The following CSMD3 variants were observed in gnomAD, a reference collection of about 807,000 sequenced individuals.
CSMD3 encodes the protein CUB and sushi domain-containing protein 3.
In CSMD3, 177 loss-of-function variants were observed where a neutral mutation model predicts 435.2. The ratio of observed to expected loss-of-function variants is 0.41; its 90% CI spans 0.36 to 0.46. CSMD3 has a LOEUF of 0.46. CSMD3 is among the 20% of genes least tolerant of loss of function. CSMD3 has a pLI of 0.34. For synonymous variants in CSMD3, 1,656 were observed against 1,520.5 expected (o/e 1.09, Z -2.07); for missense variants, 4,265 against 4,504.6 (o/e 0.95, Z 1.52).
intron 40 of CSMD3, 63 bp downstream of exon 40, chr8:112,351,111 CT>C: frequency 3.0e-6 from 3 of 1,006,152 alleles, no homozygotes; most frequent in South Asian, 2.6e-5. Context: ...CTTACAAATA[CT>C]TTATAGTCTT....
At chr8:113,181,234 T>TA (rs1320289838) in intron 3 of CSMD3, among the ~76,000 whole-genome samples, 2 of 151,954 alleles carry the variant, frequency 1.3e-5, no homozygotes, top group Non-Finnish European at 2.9e-5. Flanking sequence ...ATTGTCATTT[T>TA]AAAAAAATAT....
chr8:113,098,451 C>A, intron 5 of CSMD3: 1 of 363,816 alleles, frequency 2.7e-6, no homozygotes, highest in Non-Finnish European at 5.1e-6. Flanking sequence ...AGGAAAATTA[C>A]TTCCAAGACT....
intron 9 of CSMD3, among the ~76,000 whole-genome samples, chr8:112,940,993 A>G (rs1190851197): frequency 6.6e-6 from 1 of 151,826 alleles, no homozygotes; most frequent in Non-Finnish European, 1.5e-5. Flanking sequence ...TCTGATTACA[A>G]GGATCTTGCA....
At position 112,319,931 on chromosome 8, in the gene CSMD3, T is replaced by C; in HGVS notation, c.7216A>G (p.Ile2406Val). 6.2e-7 allele frequency: 1 copy of C among 1,612,966 alleles called. No homozygotes were observed. The highest frequency in any genetic ancestry group is 1.3e-5 in the African/African-American group (1 of 74,986). The change falls in exon 46 of 71, where the codon ATT (isoleucine) becomes GTT (valine). Residue 2406 changes from isoleucine to valine, a missense_variant. Around this residue, in one of 3 missense-constraint regions of CSMD3, gnomAD observed 3,255 missense variants for 3,380.2 expected, o/e 0.96. Coordinates refer to ENST00000297405, the MANE Select transcript of CSMD3 (RefSeq NM_198123.2). Reference protein sequence around the residue: ...QPPPPVPNAEILTEDDEFEIG... With the variant: ...QPPPPVPNAEVLTEDDEFEIG... ...TCAAATTCATCATCTTCCGTCAAAA[T>C]TTCAGCATTGGGCACAGGTGGTGGA...
At chr8:112,334,520 T>G (rs778520504) in intron 45 of CSMD3, among the ~76,000 whole-genome samples, 2 of 152,200 alleles carry the variant, frequency 1.3e-5, no homozygotes, top group Non-Finnish European at 2.9e-5. Context: ...TTATTGGTCT[T>G]GTGAAATACT....
intron 1 of CSMD3, among the ~76,000 whole-genome samples, chr8:113,424,247 T>C (rs938978205): frequency 1.3e-5 from 2 of 151,678 alleles, no homozygotes; most frequent in African/African-American, 4.8e-5. Context: ...AACTCCTATG[T>C]AGCAAAATTA....
chr8:112,682,088 T>C (rs2075910408), intron 16 of CSMD3, among the ~76,000 whole-genome samples: 1 of 152,030 alleles, frequency 6.6e-6, no homozygotes, highest in Non-Finnish European at 1.5e-5. Flanking sequence ...GTGTGTACCA[T>C]GAATAGATAA....
chr8:112,278,130 T>C (rs1302839865), intron 59 of CSMD3, among the ~76,000 whole-genome samples: 1 of 152,164 alleles, frequency 6.6e-6, no homozygotes, highest in Non-Finnish European at 1.5e-5. Flanking sequence ...AGGGGGCAGT[T>C]GATCATGCTC....
intron 10 of CSMD3, among the ~76,000 whole-genome samples, chr8:112,917,309 CAGTAATTGTAA>C (rs2082602817): frequency 6.6e-6 from 1 of 151,690 alleles, no homozygotes; most frequent in South Asian, 2.1e-4. Context: ...GTGGCAAAGA[CAGTAATTGTAA>C]AGTAATTTTG....
At chr8:112,746,900 T>G (rs2077439292) in intron 13 of CSMD3, among the ~76,000 whole-genome samples, 1 of 152,088 alleles carries the variant, frequency 6.6e-6, no homozygotes, top group Admixed American at 6.5e-5. Context: ...TTAACAAGTC[T>G]CTATTCACTA....
chr8:113,090,652 C>T (rs1463582232), intron 5 of CSMD3, among the ~76,000 whole-genome samples: 1 of 152,122 alleles, frequency 6.6e-6, no homozygotes, highest in Non-Finnish European at 1.5e-5. Context: ...CATCTTCAAT[C>T]TCCTCCTCCA....
chr8:112,955,081 C>T (rs1161611156), intron 7 of CSMD3, among the ~76,000 whole-genome samples: 1 of 151,456 alleles, frequency 6.6e-6, no homozygotes, highest in Non-Finnish European at 1.5e-5. Context: ...TTGAAATCAT[C>T]AACTTTTACG....
At chr8:112,346,668 C>CTTTTT (rs1563820913) in intron 40 of CSMD3, among the ~76,000 whole-genome samples, 4 of 129,214 alleles carry the variant, frequency 3.1e-5, no homozygotes, top group African/African-American at 1.3e-4. Context: ...CCCTCCTTTT[C>CTTTTT]CTTTTTTTTT....
intron 12 of CSMD3, among the ~76,000 whole-genome samples, chr8:112,802,603 C>A (rs995572217): frequency 1.3e-5 from 2 of 151,820 alleles, no homozygotes; most frequent in African/African-American, 4.8e-5. Context: ...TTCATTTTTC[C>A]CTCCATTTTA....
intron 61 of CSMD3, among the ~76,000 whole-genome samples, chr8:112,260,699 A>G (rs1287387488): frequency 6.6e-6 from 1 of 152,016 alleles, no homozygotes; most frequent in Non-Finnish European, 1.5e-5. Flanking sequence ...GAACATAGTG[A>G]TGTTTGCTAA....
chr8:113,335,797 T>G (rs2132809905), intron 1 of CSMD3, among the ~76,000 whole-genome samples: 1 of 152,118 alleles, frequency 6.6e-6, no homozygotes, highest in South Asian at 2.1e-4. Context: ...GTTGAGTACT[T>G]CTGTATCTTT....
chr8:112,964,651 CT>C (rs1033499475), intron 7 of CSMD3, among the ~76,000 whole-genome samples: 8 of 151,828 alleles, frequency 5.3e-5, no homozygotes, highest in East Asian at 1.9e-4. Flanking sequence ...GTTGATGAGA[CT>C]TTTTTTTCCC....
intron 32 of CSMD3, among the ~76,000 whole-genome samples, chr8:112,441,632 A>G (rs1194616512): frequency 6.6e-6 from 1 of 152,236 alleles, no homozygotes; most frequent in African/African-American, 2.4e-5. Flanking sequence ...ACAGTTCAGC[A>G]TGGCTTGGGA....
At position 112,512,860 on chromosome 8, in the gene CSMD3, G is replaced by A. The variant is rs62516492; in HGVS notation, c.4756+4174C>T. On this transcript the variant is annotated intron_variant, in intron 28 of 70. Coordinates refer to ENST00000297405, the MANE Select transcript of CSMD3 (RefSeq NM_198123.2). ...CAGTGATCTTAGCTAGATCTTCTGG[G>A]TAACTGGCTGCAGCTTCTCCTTCAG... Among the ~76,000 whole-genome samples the A allele has an allele frequency of 4.5e-3, 688 of 152,284 alleles. 2 individuals carry two copies. The highest frequency in any genetic ancestry group is 7.4e-3 in the Non-Finnish European group (502 of 68,024).
Sources: allele counts gnomAD v4.1 joint callset (sites outside exome capture counted in the v4.1 genomes callset), GRCh38; gene constraint gnomAD v4.1.1; regional missense constraint gnomAD v4.1.1; transcripts MANE v1.5; gene names NCBI Gene and HGNC (gene_info 2026-07-23, HGNC 2026-07-21).